HEXB: variants seen among roughly 807,000 people sequenced by gnomAD.
HEXB encodes the protein beta-hexosaminidase subunit beta.
A neutral mutation model predicts 71.2 loss-of-function variants in HEXB; 51 were observed. The ratio of observed to expected loss-of-function variants is 0.72; its 90% CI spans 0.57 to 0.90. The LOEUF (loss-of-function observed/expected upper bound fraction) is 0.90. Among genes scored for constraint, HEXB ranks in the 40% least tolerant of loss-of-function variants. The probability of loss-of-function intolerance (pLI) is 0.00; values close to 1 mark genes in which losing one functional copy is unlikely to be tolerated. For synonymous variants in HEXB, 266 were observed against 249.3 expected (o/e 1.07, Z -0.63); for missense variants, 617 against 677.0 (o/e 0.91, Z 0.98).
intron 2 of HEXB, among the ~76,000 whole-genome samples, chr5:74,690,141 C>G (rs1178102047): frequency 6.6e-6 from 1 of 152,074 alleles, no homozygotes; most frequent in Non-Finnish European, 1.5e-5. Flanking sequence ...ATATAATCAA[C>G]ATTTAGCTGT....
intron 1 of HEXB, among the ~76,000 whole-genome samples, chr5:74,661,462 T>C (rs1007794441): frequency 6.6e-6 from 1 of 152,022 alleles, no homozygotes; most frequent in African/African-American, 2.4e-5. Flanking sequence ...ACCTTTTGAT[T>C]GAAGACAGTG....
rs189423349 is a variant in HEXB, at chr5:74,669,303, A to G, written c.-376-20025A>G. On this transcript the variant is annotated intron_variant, in intron 1 of 13. Coordinates refer to the HEXB transcript ENST00000511181. ...TCGACATACAAAATTTAATTTAACT[A>G]TTTTTTTTTTCAGTTATGAGCATTA... 5.3e-5 allele frequency among the ~76,000 whole-genome samples: 8 copies of G among 149,816 alleles called. No individual in the cohort carries two copies. In the East Asian group the frequency reaches 1.4e-3, roughly 26 times the overall value.
chr5:74,664,448 A>AAAAAAACAAAAAC (rs756960235), intron 1 of HEXB, among the ~76,000 whole-genome samples: 2 of 126,538 alleles, frequency 1.6e-5, no homozygotes, highest in Admixed American at 8.1e-5. Context: ...AAAAAAAAAA[A>AAAAAAACAAAAAC]AAAAACAGAG....
At chr5:74,702,898 G>A (rs1305790930) in intron 5 of HEXB, among the ~76,000 whole-genome samples, 1 of 152,170 alleles carries the variant, frequency 6.6e-6, no homozygotes, top group Non-Finnish European at 1.5e-5. Flanking sequence ...TTTTATCAGT[G>A]TGGACTCATG....
chr5:74,693,623 T>G lies in HEXB; in HGVS notation c.446-16T>G, dbSNP rs760425765. The G allele has an allele frequency of 6.3e-7, 1 of 1,588,612 alleles. No individual in the cohort carries two copies. The highest frequency in any genetic ancestry group is 8.6e-7 in the Non-Finnish European group (1 of 1,156,704). ...ATTAACAAAAGTGTGTGTGTGATTT[T>G]AAATCCTCAATACAGATACTTTACT... On this transcript the variant is annotated splice_polypyrimidine_tract_variant and intron_variant, in intron 2 of 13. Transcript: ENST00000261416.
chr5:74,650,433 A>G (rs986781006), intron 1 of HEXB, among the ~76,000 whole-genome samples: 22 of 152,336 alleles, frequency 1.4e-4, no homozygotes, highest in African/African-American at 5.3e-4. Context: ...ACATGAACTA[A>G]CAGTATAAGG....
At chr5:74,707,042 C>A (rs142625919) in intron 6 of HEXB, among the ~76,000 whole-genome samples, 5 of 138,452 alleles carry the variant, frequency 3.6e-5, no homozygotes, top group African/African-American at 8.1e-5. Context: ...AGGCACCCCC[C>A]AGTAGGGGCA....
chr5:74,712,436 TA>T (rs763101911), intron 6 of HEXB, among the ~76,000 whole-genome samples: 1 of 115,218 alleles, frequency 8.7e-6, no homozygotes. Flanking sequence ...ATGATAATAA[TA>T]AAAAAAAGAA....
rs183375796 is a variant in HEXB at position 74,658,599 on chromosome 5, C to A, written c.-377+18041C>A. The stretch of plus-strand genomic sequence containing the variant: ...CATATGTCTCGGGGCCGCAATAAAA[C>A]TCCTGAACACTGAGGCTCAAGTAAG... On this transcript the variant is annotated intron_variant, in intron 1 of 13. Transcript: ENST00000511181. Among the ~76,000 whole-genome samples, 6 of 152,250 alleles carry A rather than the reference C, an allele frequency of 3.9e-5. No homozygotes were observed. In the East Asian group the frequency reaches 9.7e-4, roughly 25 times the overall value.
At chr5:74,672,328 C>T (rs898306436) in intron 1 of HEXB, among the ~76,000 whole-genome samples, 9 of 152,228 alleles carry the variant, frequency 5.9e-5, no homozygotes, top group African/African-American at 2.2e-4. Flanking sequence ...TTTCCACTTG[C>T]CTCTGGAGGC....
chr5:74,708,319 C>A (rs1270190969), intron 6 of HEXB, among the ~76,000 whole-genome samples: 1 of 151,950 alleles, frequency 6.6e-6, no homozygotes, highest in African/African-American at 2.4e-5. Context: ...ACAACCAGTA[C>A]CAGCCGCTGC....
At chr5:74,695,483 G>A (rs571152514) in intron 3 of HEXB, among the ~76,000 whole-genome samples, 33 of 150,800 alleles carry the variant, frequency 2.2e-4, no homozygotes, top group Admixed American at 1.8e-3. Flanking sequence ...GATTACAGGC[G>A]TGAGCCACTG....
chr5:74,713,863 C>T (rs184911358), intron 7 of HEXB, among the ~76,000 whole-genome samples: 39 of 151,090 alleles, frequency 2.6e-4, no homozygotes, highest in African/African-American at 7.1e-4. Context: ...TTTTTTGAGA[C>T]GGAGTCTCAC....
intron 5 of HEXB, among the ~76,000 whole-genome samples, chr5:74,701,836 C>T (rs184220317): frequency 5.9e-5 from 9 of 152,110 alleles, no homozygotes; most frequent in Admixed American, 1.3e-4. Context: ...TCAATACCCC[C>T]TTAATATTTC....
chr5:74,668,900 A>G (rs1748483564), intron 1 of HEXB, among the ~76,000 whole-genome samples: 1 of 152,176 alleles, frequency 6.6e-6, no homozygotes, highest in Admixed American at 6.5e-5. Flanking sequence ...CCTTATTTGG[A>G]TGCAAGTCTT....
intron 6 of HEXB, among the ~76,000 whole-genome samples, chr5:74,709,423 G>T (rs1451656576): frequency 6.6e-6 from 1 of 151,834 alleles, no homozygotes; most frequent in Admixed American, 6.6e-5. Flanking sequence ...GCTAGCAGAA[G>T]GCAAGAAATA....
chr5:74,667,670 T>C (rs1748458026), intron 1 of HEXB, among the ~76,000 whole-genome samples: 1 of 152,206 alleles, frequency 6.6e-6, no homozygotes, highest in Non-Finnish European at 1.5e-5. Flanking sequence ...TTGCTGGGTT[T>C]GCTTGTATGA....
chr5:74,702,701 C>T (rs953243557), intron 5 of HEXB, among the ~76,000 whole-genome samples: 1 of 152,128 alleles, frequency 6.6e-6, no homozygotes, highest in Admixed American at 6.5e-5. Flanking sequence ...GTGTAAAATC[C>T]CATTCTTCAT....
At chr5:74,714,661 T>A (rs1749630602) in intron 7 of HEXB, among the ~76,000 whole-genome samples, 1 of 152,238 alleles carries the variant, frequency 6.6e-6, no homozygotes, top group African/African-American at 2.4e-5. Context: ...CAATATCTCA[T>A]CTTCAGTTTC....
Sources: allele counts gnomAD v4.1 joint callset (sites outside exome capture counted in the v4.1 genomes callset), GRCh38; gene constraint gnomAD v4.1.1; transcripts MANE v1.5; gene names NCBI Gene and HGNC (gene_info 2026-07-23, HGNC 2026-07-21).